The following CPEB2 variants were observed in gnomAD, a reference collection of about 807,000 sequenced individuals.
The protein encoded by CPEB2 is cytoplasmic polyadenylation element binding protein 2, also known as cytoplasmic polyadenylation element-binding protein 2.
Under a neutral mutation model 93.6 loss-of-function variants are expected in CPEB2, and 56 were observed. The ratio of observed to expected loss-of-function variants is 0.60; its 90% CI spans 0.48 to 0.75. The LOEUF is 0.75. CPEB2 is among the 30% of genes least tolerant of loss of function. The probability of loss-of-function intolerance (pLI) is 0.00; values close to 1 mark genes in which losing one functional copy is unlikely to be tolerated. For synonymous variants in CPEB2, 764 were observed against 586.3 expected (o/e 1.30, Z -4.38); for missense variants, 1,579 against 1,395.1 (o/e 1.13, Z -2.10).
At chr4:15,018,456 C>G (rs1397373449) in intron 4 of CPEB2, among the ~76,000 whole-genome samples, 1 of 149,996 alleles carries the variant, frequency 6.7e-6, no homozygotes, top group Non-Finnish European at 1.5e-5. Context: ...AGTTGTATGT[C>G]AGGTTTTTGG....
rs769703376 is a variant in CPEB2 at position 15,003,292 on chromosome 4, C to T, written c.619C>T (p.Arg207Trp). ...GCCTCCGCCGCTCCACTGCCCCGGT[C>T]GGTTCAGCCCGCCGCCGCCGCCAGC... is the stretch of plus-strand genomic sequence containing the variant. ...PPPPPLHCPG[R>W]FSPPPPPAGP... The change falls in exon 1 of 12, where the codon CGG becomes TGG. Residue 207 changes from arginine to tryptophan, a missense_variant. This residue lies in a region of CPEB2 where 1,411 missense variants were observed against 1,056.0 expected (regional missense o/e 1.34). Transcript: ENST00000538197. 6.9e-7 allele frequency: 1 copy of T among 1,454,474 alleles called. No homozygotes were observed. The highest frequency in any genetic ancestry group is 1.4e-5 in the South Asian group (1 of 72,018). The allele number at this position is 1,454,474 out of a possible 1,614,324, so 90.1% of individuals were successfully genotyped here. A position where few individuals can be genotyped will look rare whatever the true frequency, so the allele number is the denominator to read the frequency against.
chr4:15,017,269 C>T lies in CPEB2; in HGVS notation c.2116C>T (p.Pro706Ser). The T allele has an allele frequency of 6.3e-7, 1 of 1,578,920 alleles. No homozygotes were observed. ...LIDIMRAEHD[P>S]LKGRLSYPHP... is the part of the protein sequence containing the mutation. ...CGATATTATGAGAGCAGAGCATGAT[C>T]CTCTTAAGGGTAGGTGACTTTTTAA... The change falls in exon 4 of 12, where the codon CCT (proline) becomes TCT (serine). Residue 706 changes from proline (P) to serine (S), a missense_variant. Transcript: ENST00000538197.
chr4:15,006,406 A>C (rs1722819195), intron 1 of CPEB2: 1 of 151,652 alleles, frequency 6.6e-6, no homozygotes, highest in East Asian at 1.9e-4. Context: ...AATTACCAGC[A>C]ATGAATACTT....
intron 5 of CPEB2, among the ~76,000 whole-genome samples, chr4:15,033,588 T>C (rs1726333213): frequency 6.6e-6 from 1 of 152,244 alleles, no homozygotes; most frequent in Non-Finnish European, 1.5e-5. Context: ...GGCATAGAAC[T>C]TGTTACTTAG....
chr4:15,032,177 A>G (rs929820369), intron 4 of CPEB2, among the ~76,000 whole-genome samples: 1 of 152,184 alleles, frequency 6.6e-6, no homozygotes, highest in East Asian at 1.9e-4. Context: ...AGCTCACTAC[A>G]TGCTCAAACT....
rs1434907109 is a variant in CPEB2, at chr4:15,002,711, C to G, written c.38C>G (p.Pro13Arg). 1.3e-6 allele frequency: 2 copies of G among 1,526,326 alleles called. No homozygotes were observed. The highest frequency in any genetic ancestry group is 2.0e-5 in the Admixed American group (1 of 49,670). 94.5% of individuals were successfully genotyped at this position (1,526,326 alleles called of 1,614,324 possible). ...DFGFGVLQTA[P>R]LRSSSPGPLF... The stretch of plus-strand genomic sequence containing the variant: ...GGGTTTGGGGTGCTGCAGACCGCCC[C>G]GCTCCGAAGTAGCAGTCCTGGGCCC... Residue 13 changes from proline to arginine, a missense_variant, in exon 1 of 12, where the codon CCG becomes CGG. Pro to Arg is a moderately radical substitution (Grantham distance 103). Transcript: ENST00000538197.
chr4:15,060,939 G>A (rs933002232), intron 10 of CPEB2, among the ~76,000 whole-genome samples: 49 of 152,142 alleles, frequency 3.2e-4, no homozygotes, highest in Non-Finnish European at 4.7e-4. Context: ...TTACAGGATT[G>A]CATGTGCAGT....
rs1398145440 is a variant in CPEB2, at chr4:15,066,161, A to G, written c.2886A>G (p.Val962=). 6.2e-7 allele frequency: 1 copy of G among 1,612,436 alleles called. No homozygotes were observed. Among genetic ancestry groups the G allele is most frequent in the African/African-American group, 1.3e-5 (1 of 74,814 alleles). The change falls in exon 12 of 12, where the codon GTA becomes GTG. Residue 962 remains valine (V), a synonymous_variant. Transcript: ENST00000538197. The stretch of plus-strand genomic sequence containing the variant: ...CTTTCTTTTTTTTCAAGGTGGAGGT[A>G]AAGCCATATGTGCTAGATGACCAGA... The part of the protein sequence containing the change: ...QHGDIDKRVE[V]KPYVLDDQMC...
Position 15,003,420 on chromosome 4 carries a change from C to A in CPEB2, c.747C>A (p.Phe249Leu). The change falls in exon 1 of 12, where the codon TTC (phenylalanine) becomes TTA (leucine). Residue 249 changes from phenylalanine to leucine, a missense_variant. Physicochemically the swap from Phe to Leu is conservative, Grantham distance 22. Around this residue, in one of 2 missense-constraint regions of CPEB2, gnomAD observed 1,411 missense variants for 1,056.0 expected, o/e 1.34. Transcript: ENST00000538197. ...LHQQHLSPQD[F>L]APRQRPADLP... ...AGCAGCACCTCTCGCCGCAGGACTTCGCCCCGCGGCAGCGTCCGGCAGACC... is the reference window on the plus strand; with the variant it reads ...AGCAGCACCTCTCGCCGCAGGACTTAGCCCCGCGGCAGCGTCCGGCAGACC... 7.4e-7 allele frequency: 1 copy of A among 1,357,130 alleles called. No homozygotes were observed. The highest frequency in any genetic ancestry group is 9.4e-7 in the Non-Finnish European group (1 of 1,065,160). 84.1% of individuals were successfully genotyped at this position (1,357,130 alleles called of 1,614,324 possible).
chr4:15,026,170 C>G (rs997777769), intron 4 of CPEB2, among the ~76,000 whole-genome samples: 5 of 151,810 alleles, frequency 3.3e-5, no homozygotes, highest in Admixed American at 1.3e-4. Flanking sequence ...TATAGAGAAT[C>G]AAGTTTCTTT....
intron 6 of CPEB2, among the ~76,000 whole-genome samples, chr4:15,047,801 T>C (rs892439998): frequency 3.3e-5 from 5 of 151,944 alleles, no homozygotes; most frequent in Non-Finnish European, 5.9e-5. Context: ...TTCCAAACCT[T>C]CAAGAGAAAC....
intron 3 of CPEB2, among the ~76,000 whole-genome samples, chr4:15,016,792 A>G (rs1249976932): frequency 6.6e-6 from 1 of 151,954 alleles, no homozygotes; most frequent in East Asian, 1.9e-4. Flanking sequence ...CCTCCCAAAT[A>G]TTTATTTTCT....
intron 3 of CPEB2, among the ~76,000 whole-genome samples, chr4:15,016,282 T>G (rs1724133571): frequency 1.3e-5 from 2 of 152,006 alleles, no homozygotes; most frequent in Non-Finnish European, 2.9e-5. Flanking sequence ...ACTCCTAGAT[T>G]ATTTGGAGGG....
In CPEB2 at chr4:15,017,299, AT is replaced by A. The variant is rs1426607783; in HGVS notation, c.2125+22del. On this transcript the variant is annotated intron_variant, in intron 4 of 11. Coordinates refer to ENST00000538197, the MANE Select transcript of CPEB2 (RefSeq NM_001177382.2). The stretch of plus-strand genomic sequence containing the variant: ...TAAGGGTAGGTGACTTTTTAAAAAA[AT>A]ATATGTTTATATTATACACCAATTT... The A allele has an allele frequency of 3.2e-6, 4 of 1,260,118 alleles. No individual in the cohort carries two copies. The African/African-American group carries it at 4.5e-5, about 14-fold the overall frequency. 78.1% of individuals were successfully genotyped at this position (1,260,118 alleles called of 1,614,324 possible).
chr4:15,017,772 CA>C (rs1724339378), intron 4 of CPEB2: 1 of 151,464 alleles, frequency 6.6e-6, no homozygotes, highest in Non-Finnish European at 1.5e-5. Context: ...GAAGTTGAGA[CA>C]AATTAGGGAA....
chr4:15,003,782 C>T lies in CPEB2; in HGVS notation c.1109C>T (p.Ser370Phe). Residue 370 changes from serine to phenylalanine, a missense_variant, in exon 1 of 12, where the codon TCC (serine) becomes TTC (phenylalanine). Physicochemically the swap from Ser to Phe is radical, Grantham distance 155 (BLOSUM62 -2). This residue lies in a region of CPEB2 where 1,411 missense variants were observed against 1,056.0 expected (regional missense o/e 1.34). Transcript: ENST00000538197. ...GPPGGGGGGGSASPPPLPGFG... is the reference protein window; with the variant it reads ...GPPGGGGGGGFASPPPLPGFG... The stretch of plus-strand genomic sequence containing the variant: ...CCAGGAGGCGGAGGGGGAGGCGGCT[C>T]CGCGTCGCCGCCGCCGCTGCCCGGC... 2.7e-6 allele frequency: 3 copies of T among 1,123,560 alleles called. No homozygotes were observed. The highest frequency in any genetic ancestry group is 2.2e-6 in the Non-Finnish European group (2 of 901,080). 69.6% of individuals were successfully genotyped at this position (1,123,560 alleles called of 1,614,324 possible).
intron 3 of CPEB2, among the ~76,000 whole-genome samples, chr4:15,016,632 G>T (rs1327056049): frequency 6.6e-6 from 1 of 152,014 alleles, no homozygotes; most frequent in African/African-American, 2.4e-5. Flanking sequence ...CTAGGCATTA[G>T]TCCCTGTTCT....
intron 4 of CPEB2, among the ~76,000 whole-genome samples, chr4:15,026,089 T>A (rs1725425768): frequency 6.6e-6 from 1 of 152,176 alleles, no homozygotes; most frequent in Non-Finnish European, 1.5e-5. Context: ...TAATCTCTAG[T>A]CAATTTCTAC....
At chr4:15,019,686 A>G (rs1408686738) in intron 4 of CPEB2, among the ~76,000 whole-genome samples, 1 of 152,104 alleles carries the variant, frequency 6.6e-6, no homozygotes, top group East Asian at 1.9e-4. Flanking sequence ...CAAACCAGCC[A>G]TTTGTTTTGT....
Sources: allele counts gnomAD v4.1 joint callset (sites outside exome capture counted in the v4.1 genomes callset), GRCh38; gene constraint gnomAD v4.1.1; regional missense constraint gnomAD v4.1.1; transcripts MANE v1.5; gene names NCBI Gene and HGNC (gene_info 2026-07-23, HGNC 2026-07-21).